Variants in TSHZ2 observed in about 807,000 individuals in gnomAD.
TSHZ2 encodes teashirt zinc finger homeobox 2.
A neutral mutation model predicts 74.4 loss-of-function variants in TSHZ2; 21 were observed. That is an observed-to-expected ratio of 0.28 (90% CI 0.20 to 0.41). The LOEUF is 0.41. TSHZ2 is among the 10% of genes least tolerant of loss of function. The pLI is 1.00. For synonymous variants in TSHZ2, 540 were observed against 515.3 expected (o/e 1.05, Z -0.65); for missense variants, 1,244 against 1,293.5 (o/e 0.96, Z 0.59).
At chr20:53,477,898 G>A (rs1198486188) in intron 2 of TSHZ2, among the ~76,000 whole-genome samples, 1 of 151,354 alleles carries the variant, frequency 6.6e-6, no homozygotes, top group Non-Finnish European at 1.5e-5. Context: ...GCAGCCAACA[G>A]ACACCTGAAA....
At chr20:53,391,439 C>T (rs1982252098) in intron 2 of TSHZ2, among the ~76,000 whole-genome samples, 1 of 122,632 alleles carries the variant, frequency 8.2e-6, no homozygotes, top group African/African-American at 2.5e-5. Flanking sequence ...GCGACAGCAC[C>T]AGGCCGTTTT....
intron 1 of TSHZ2, among the ~76,000 whole-genome samples, chr20:53,110,857 T>C (rs1364118989): frequency 6.6e-6 from 1 of 150,582 alleles, no homozygotes. Flanking sequence ...CTGTTGATGG[T>C]TCTGGAAGAT....
chr20:53,413,532 C>T (rs1983127769), intron 2 of TSHZ2, among the ~76,000 whole-genome samples: 1 of 152,102 alleles, frequency 6.6e-6, no homozygotes, highest in Non-Finnish European at 1.5e-5. Flanking sequence ...GCTCAGTTTC[C>T]CCATCTGATA....
At chr20:53,164,124 G>A (rs1207560416) in intron 1 of TSHZ2, among the ~76,000 whole-genome samples, 1 of 151,844 alleles carries the variant, frequency 6.6e-6, no homozygotes, top group Non-Finnish European at 1.5e-5. Flanking sequence ...ATCTTTTTAT[G>A]TAGAGCTTCT....
At chr20:53,213,433 C>T (rs922745357) in intron 1 of TSHZ2, among the ~76,000 whole-genome samples, 1 of 152,182 alleles carries the variant, frequency 6.6e-6, no homozygotes, top group Non-Finnish European at 1.5e-5. Flanking sequence ...ACCCAGCACT[C>T]GTCAATGCCT....
chr20:53,367,121 C>A (rs925356953), intron 2 of TSHZ2, among the ~76,000 whole-genome samples: 1 of 151,962 alleles, frequency 6.6e-6, no homozygotes, highest in African/African-American at 2.4e-5. Flanking sequence ...CTCAGCCGGG[C>A]GTGGTGACTC....
chr20:53,474,308 C>T (rs1985925220), intron 2 of TSHZ2, among the ~76,000 whole-genome samples: 1 of 120,906 alleles, frequency 8.3e-6, no homozygotes, highest in South Asian at 2.9e-4. Context: ...CAGCGGATCT[C>T]TCAGCAGAAA....
At chr20:53,321,210 T>C (rs373788305) in intron 2 of TSHZ2, among the ~76,000 whole-genome samples, 3 of 152,332 alleles carry the variant, frequency 2.0e-5, no homozygotes, top group South Asian at 2.1e-4. Flanking sequence ...TAGTAATTCA[T>C]CTTTCTTCTT....
At chr20:53,210,575 C>T (rs1015131249) in intron 1 of TSHZ2, among the ~76,000 whole-genome samples, 2 of 151,840 alleles carry the variant, frequency 1.3e-5, no homozygotes, top group East Asian at 2.0e-4. Flanking sequence ...CTGCTTGTCT[C>T]CTTGTCTCCT....
chr20:53,296,055 A>T (rs932965804), intron 2 of TSHZ2, among the ~76,000 whole-genome samples: 1 of 146,642 alleles, frequency 6.8e-6, no homozygotes, highest in Non-Finnish European at 1.5e-5. Flanking sequence ...AAAAAAAAAA[A>T]TCCAGGCAGT....
intron 2 of TSHZ2, among the ~76,000 whole-genome samples, chr20:53,354,007 C>T (rs1043307729): frequency 1.3e-5 from 2 of 152,154 alleles, no homozygotes; most frequent in Non-Finnish European, 2.9e-5. Flanking sequence ...TCAGAGAAGA[C>T]CAGGGACTGA....
intron 1 of TSHZ2, among the ~76,000 whole-genome samples, chr20:53,004,374 C>T (rs1012302817): frequency 1.3e-5 from 2 of 152,132 alleles, no homozygotes; most frequent in Non-Finnish European, 2.9e-5. Flanking sequence ...AAGCTGAAAT[C>T]GGTCAAGCTT....
rs761227339 is a variant in TSHZ2 at position 53,488,849 on chromosome 20, A to G, written c.*1714A>G. On this transcript the variant is annotated 3_prime_UTR_variant, in exon 3 of 3. Transcript: ENST00000371497. ...AACATTGGGATTAAAAAAAAAAAAA[A>G]ACTTCTTATTTACCTCCTAGGGAAA... 7.3e-5 allele frequency: 25 copies of G among 342,146 alleles called. No homozygotes were observed. Among genetic ancestry groups the G allele is most frequent in the Admixed American group, 4.0e-5 (1 of 24,850 alleles). The allele number at this position is 342,146 out of a possible 1,614,324, so 21.2% of individuals were successfully genotyped here. A position where few individuals can be genotyped will look rare whatever the true frequency, so the allele number is the denominator to read the frequency against.
At chr20:53,349,412 G>C (rs1436995314) in intron 2 of TSHZ2, among the ~76,000 whole-genome samples, 1 of 152,228 alleles carries the variant, frequency 6.6e-6, no homozygotes, top group African/African-American at 2.4e-5. Context: ...AGCACTTTAA[G>C]AGGCTGAGGA....
chr20:53,394,088 G>A (rs746467365), intron 2 of TSHZ2, among the ~76,000 whole-genome samples: 2 of 152,150 alleles, frequency 1.3e-5, no homozygotes, highest in Admixed American at 6.5e-5. Context: ...ACTTTTTAAC[G>A]GTTGCTGATC....
intron 2 of TSHZ2, among the ~76,000 whole-genome samples, chr20:53,283,071 A>G (rs1311962293): frequency 1.3e-5 from 2 of 152,250 alleles, no homozygotes; most frequent in African/African-American, 4.8e-5. Context: ...TATGACAATC[A>G]TAATTAACAT....
At chr20:52,973,610 C>G (rs1043307939) in intron 1 of TSHZ2, among the ~76,000 whole-genome samples, 2 of 152,182 alleles carry the variant, frequency 1.3e-5, no homozygotes, top group Admixed American at 6.5e-5. Flanking sequence ...TTCTTCCAGT[C>G]TGTTTCTTGC....
intron 2 of TSHZ2, among the ~76,000 whole-genome samples, chr20:53,296,531 G>A (rs922139234): frequency 6.6e-6 from 1 of 152,146 alleles, no homozygotes; most frequent in Admixed American, 6.5e-5. Context: ...AGCATTTCCA[G>A]GGTTGTTTCA....
intron 2 of TSHZ2, among the ~76,000 whole-genome samples, chr20:53,442,231 G>A (rs555435479): frequency 1.3e-5 from 2 of 152,284 alleles, no homozygotes; most frequent in East Asian, 3.9e-4. Flanking sequence ...ACTCTCCACA[G>A]TATGTTTCCC....
Sources: allele counts gnomAD v4.1 joint callset (sites outside exome capture counted in the v4.1 genomes callset), GRCh38; gene constraint gnomAD v4.1.1; transcripts MANE v1.5; gene names NCBI Gene and HGNC (gene_info 2026-07-23, HGNC 2026-07-21).